The following GABRA4 variants were observed in gnomAD, a reference collection of about 807,000 sequenced individuals.
GABRA4 encodes the protein gamma-aminobutyric acid type A receptor subunit alpha4.
In GABRA4, 12 loss-of-function variants were observed where a neutral mutation model predicts 49.7. The ratio of observed to expected loss-of-function variants is 0.24; its 90% CI spans 0.15 to 0.39. The LOEUF is 0.39. GABRA4 is among the 10% of genes least tolerant of loss of function. The pLI, the probability that GABRA4 is intolerant of heterozygous loss-of-function variation, is 1.00. For missense variants in GABRA4, 506 were observed against 686.0 expected (o/e 0.74, Z 2.93); for synonymous variants, 288 against 240.2 (o/e 1.20, Z -1.84).
chr4:46,933,941 G>A (rs746033413), intron 8 of GABRA4, among the ~76,000 whole-genome samples: 1 of 152,088 alleles, frequency 6.6e-6, no homozygotes. Context: ...AGGCAAACAG[G>A]AGCAGATCCA....
Position 46,928,511 on chromosome 4 carries a change from C to A in GABRA4, c.1379G>T (p.Arg460Leu). 6.2e-7 allele frequency: 1 copy of A among 1,613,544 alleles called. No homozygotes were observed. The highest frequency in any genetic ancestry group is 8.5e-7 in the Non-Finnish European group (1 of 1,179,716). ...ALPSASPTSI[R>L]TGYMPRKASV... ...AGCCTTTCGAGGCATATATCCAGTT[C>A]GGATAGAAGTAGGAGAAGCAGATGG... Residue 460 changes from arginine (R) to leucine (L), a missense_variant, in exon 9 of 9, where the codon CGA becomes CTA. Arg to Leu is a moderately radical substitution (Grantham distance 102, BLOSUM62 -2). Coordinates refer to ENST00000264318, the MANE Select transcript of GABRA4 (RefSeq NM_000809.4).
intron 3 of GABRA4, among the ~76,000 whole-genome samples, chr4:46,978,708 A>AAAAAAAAG (rs1723238939): frequency 6.7e-6 from 1 of 149,420 alleles, no homozygotes; most frequent in Non-Finnish European, 1.5e-5. Flanking sequence ...AAAAAAAAAA[A>AAAAAAAAG]AAAAAGAAAA....
At chr4:46,954,099 C>CA (rs1359692632) in intron 8 of GABRA4, among the ~76,000 whole-genome samples, 34 of 152,176 alleles carry the variant, frequency 2.2e-4, no homozygotes, top group Non-Finnish European at 1.5e-5. Flanking sequence ...AAGTAATAAG[C>CA]ACAGTATAAT....
chr4:46,967,678 G>A (rs1023114302), intron 7 of GABRA4, among the ~76,000 whole-genome samples: 11 of 151,572 alleles, frequency 7.3e-5, no homozygotes, highest in African/African-American at 1.7e-4. Context: ...TTCATCTGTC[G>A]TGTATGGCTT....
At chr4:46,950,900 T>G (rs1488882681) in intron 8 of GABRA4, among the ~76,000 whole-genome samples, 1 of 151,920 alleles carries the variant, frequency 6.6e-6, no homozygotes, top group Non-Finnish European at 1.5e-5. Context: ...TGATTATTAT[T>G]AGAGCAGGCG....
At chr4:46,969,858 T>C (rs1258438140) in intron 7 of GABRA4, among the ~76,000 whole-genome samples, 2 of 151,484 alleles carry the variant, frequency 1.3e-5, no homozygotes, top group African/African-American at 4.8e-5. Context: ...ATTCAACACT[T>C]TGAGTTGTGC....
chr4:46,977,313 G>A lies in GABRA4; in HGVS notation c.494+97C>T, dbSNP rs545598187. On this transcript the variant is annotated intron_variant, in intron 4 of 8. Coordinates refer to ENST00000264318, the MANE Select transcript of GABRA4 (RefSeq NM_000809.4). ...GGGAGGAAGGGAGGGAGGAAGGGAG[G>A]GAGGAAGGGAGGGAGGAAGGAAGGA... 1.5e-4 allele frequency: 69 copies of A among 452,114 alleles called. 3 individuals are homozygous for A. The South Asian group carries it at 1.7e-3, about 11-fold the overall frequency. The allele number at this position is 452,114 out of a possible 1,614,324, so 28.0% of individuals were successfully genotyped here.
intron 8 of GABRA4, among the ~76,000 whole-genome samples, chr4:46,944,732 A>T (rs1721923773): frequency 6.6e-6 from 1 of 151,994 alleles, no homozygotes; most frequent in African/African-American, 2.4e-5. Flanking sequence ...TTATTCTGAC[A>T]CCCCACCACC....
At chr4:46,968,196 A>AATTT (rs1437434023) in intron 7 of GABRA4, among the ~76,000 whole-genome samples, 4 of 151,638 alleles carry the variant, frequency 2.6e-5, no homozygotes, top group African/African-American at 9.6e-5. Context: ...ATTTCCTCCT[A>AATTT]AATACTTAAA....
At position 46,993,517 on chromosome 4, in the gene GABRA4, C is replaced by T. The variant is rs1275565776; in HGVS notation, c.-93G>A. ...CGAGGAGAGGGCAGAGAGGCTCCCG[C>T]GGCGTGCGCACACTCGCGCTCACAC... On this transcript the variant is annotated 5_prime_UTR_variant, in exon 1 of 9. Transcript: ENST00000264318. The T allele has an allele frequency of 8.9e-6, 12 of 1,352,592 alleles. No homozygotes were observed. The highest frequency in any genetic ancestry group is 1.1e-5 in the Non-Finnish European group (11 of 957,718). The allele number at this position is 1,352,592 out of a possible 1,614,324, so 83.8% of individuals were successfully genotyped here. A position where few individuals can be genotyped will look rare whatever the true frequency, so the allele number is the denominator to read the frequency against.
Position 46,920,203 on chromosome 4 carries a change from G to A in GABRA4, c.*8022C>T, listed in dbSNP as rs569955813. ...GCTTCTTTTACTTCCCTCTAAGGAA[G>A]CTGTTTTCTATGGACTTCAAGTAAT... On this transcript the variant is annotated 3_prime_UTR_variant, in exon 9 of 9. Coordinates refer to ENST00000264318, the MANE Select transcript of GABRA4 (RefSeq NM_000809.4). 6.6e-5 allele frequency: 10 copies of A among 151,774 alleles called. No homozygotes were observed. Among genetic ancestry groups the A allele is most frequent in the African/African-American group, 2.4e-4 (10 of 41,522 alleles). The allele number at this position is 151,774 out of a possible 1,614,324, so 9.4% of individuals were successfully genotyped here. A position where few individuals can be genotyped will look rare whatever the true frequency, so the allele number is the denominator to read the frequency against.
At chr4:46,937,568 G>C (rs1010947878) in intron 8 of GABRA4, among the ~76,000 whole-genome samples, 1 of 152,016 alleles carries the variant, frequency 6.6e-6, no homozygotes, top group Non-Finnish European at 1.5e-5. Flanking sequence ...ATTCTAGATA[G>C]AGCCAAGATT....
At chr4:46,943,306 A>G (rs1721879124) in intron 8 of GABRA4, among the ~76,000 whole-genome samples, 1 of 151,980 alleles carries the variant, frequency 6.6e-6, no homozygotes, top group African/African-American at 2.4e-5. Context: ...CTTCTGCCTT[A>G]TTCTCTTTTC....
intron 8 of GABRA4, among the ~76,000 whole-genome samples, chr4:46,937,575 G>A (rs371093909): frequency 5.3e-5 from 8 of 152,118 alleles, no homozygotes; most frequent in South Asian, 2.1e-4. Context: ...ATAGAGCCAA[G>A]ATTAAAAAAT....
intron 8 of GABRA4, among the ~76,000 whole-genome samples, chr4:46,929,914 A>T (rs961029728): frequency 6.6e-6 from 1 of 152,100 alleles, no homozygotes; most frequent in Non-Finnish European, 1.5e-5. Flanking sequence ...CTCAAAGGGC[A>T]ATTCACAGAT....
intron 5 of GABRA4, among the ~76,000 whole-genome samples, chr4:46,974,745 T>C (rs1344491214): frequency 6.6e-6 from 1 of 151,960 alleles, no homozygotes; most frequent in Non-Finnish European, 1.5e-5. Flanking sequence ...GCCGTACTTC[T>C]AACTCACTTC....
intron 4 of GABRA4, 122 bp from the exon 5 acceptor site, chr4:46,977,265 G>T (rs1182905535): frequency 4.4e-6 from 2 of 451,222 alleles, no homozygotes; most frequent in Non-Finnish European, 7.7e-6. Flanking sequence ...GAAAAGGAAG[G>T]AAGGAAGGGA....
chr4:46,977,744 A>G (rs1206561070), intron 3 of GABRA4, 114 bp from the exon 4 acceptor site: 1 of 653,598 alleles, frequency 1.5e-6, no homozygotes, highest in Non-Finnish European at 2.6e-6. Flanking sequence ...ACCACTCCAA[A>G]TAAAATTAAT....
At chr4:46,946,732 A>G (rs1721993731) in intron 8 of GABRA4, among the ~76,000 whole-genome samples, 1 of 152,270 alleles carries the variant, frequency 6.6e-6, no homozygotes, top group Admixed American at 6.5e-5. Context: ...GAATGAATAG[A>G]TAAATAAATG....
Sources: gnomAD v4.1 joint callset for allele counts (sites outside exome capture counted in the v4.1 genomes callset) on GRCh38, gnomAD v4.1.1 for gene constraint, MANE v1.5 for transcripts, NCBI Gene and HGNC (gene_info 2026-07-23, HGNC 2026-07-21) for gene names.